SNX10: variants seen among roughly 807,000 people sequenced by gnomAD.
SNX10 encodes the protein sorting nexin 10, also known as sorting nexin-10.
In SNX10, 25 loss-of-function variants were observed where a neutral mutation model predicts 28.5. That is an observed-to-expected ratio of 0.88 (90% CI 0.64 to 1.22). SNX10 has a LOEUF of 1.22. Ranked by LOEUF, SNX10 falls within the 50% of genes most tolerant of loss-of-function variation. The probability of loss-of-function intolerance (pLI) is 0.00; values close to 1 mark genes in which losing one functional copy is unlikely to be tolerated. For missense variants in SNX10, 223 were observed against 242.6 expected (o/e 0.92, Z 0.54); for synonymous variants, 62 against 81.4 (o/e 0.76, Z 1.28).
intron 2 of SNX10, among the ~76,000 whole-genome samples, chr7:26,352,966 A>C (rs1462035296): frequency 1.3e-5 from 2 of 151,744 alleles, no homozygotes; most frequent in African/African-American, 4.8e-5. Flanking sequence ...GATGCCAATT[A>C]TTTCTTACTG....
chr7:26,358,787 A>G (rs1322353069), intron 2 of SNX10, among the ~76,000 whole-genome samples: 1 of 136,652 alleles, frequency 7.3e-6, no homozygotes, highest in African/African-American at 2.9e-5. Flanking sequence ...AAAGAGCATC[A>G]CTATAGTGTT....
chr7:26,363,222 A>G (rs371540218), intron 3 of SNX10, among the ~76,000 whole-genome samples: 3 of 152,206 alleles, frequency 2.0e-5, no homozygotes, highest in South Asian at 4.1e-4. Context: ...GTTAAAGATA[A>G]TGGGATTTAG....
rs1383492326 is a variant in SNX10, at chr7:26,342,002, T to C, written c.-23-4418T>C. On this transcript the variant is annotated intron_variant, in intron 1 of 6. Transcript: ENST00000338523. ...TCTTTCTCTCTCTCTCTCTCTTTCT[T>C]TCTTTCCTTCTTTCCTTTCTTCTTT... Among the ~76,000 whole-genome samples the C allele has an allele frequency of 6.2e-5, 9 of 145,446 alleles. No homozygotes were observed. In the East Asian group the frequency reaches 1.3e-3, roughly 21 times the overall value.
chr7:26,294,838 C>G (rs1786051197), intron 1 of SNX10, among the ~76,000 whole-genome samples: 1 of 152,156 alleles, frequency 6.6e-6, no homozygotes. Context: ...AACTGAGGCA[C>G]AAAGCCCAAG....
chr7:26,316,433 A>G (rs892946946), intron 1 of SNX10, among the ~76,000 whole-genome samples: 6 of 152,202 alleles, frequency 3.9e-5, no homozygotes, highest in Admixed American at 1.3e-4. Context: ...CCAGAGGGAA[A>G]GAAAGCACCT....
At chr7:26,337,017 T>C (rs1425080278) in intron 1 of SNX10, among the ~76,000 whole-genome samples, 2 of 152,234 alleles carry the variant, frequency 1.3e-5, no homozygotes, top group Non-Finnish European at 2.9e-5. Flanking sequence ...TTTTGAAATA[T>C]ATGGCCAAAT....
At chr7:26,360,047 A>C (rs1450122551) in intron 2 of SNX10, among the ~76,000 whole-genome samples, 1 of 152,174 alleles carries the variant, frequency 6.6e-6, no homozygotes. Flanking sequence ...AATATCCCTA[A>C]CTTCTATGTA....
rs35402634 is a variant in SNX10, at chr7:26,325,731, A to AT, written c.-23-20675dup. ...TGAAGTATACGAAACAAAATTAGAG[A>AT]TTTTTTTTTTTTTTGAGATGGAGTC... On this transcript the variant is annotated intron_variant, in intron 1 of 6. Transcript: ENST00000338523. Among the ~76,000 whole-genome samples, 449 of 144,870 alleles carry AT rather than the reference A, an allele frequency of 3.1e-3. 1 individual carries two copies. Among genetic ancestry groups the AT allele is most frequent in the East Asian group, 7.8e-3 (38 of 4,870 alleles).
intron 1 of SNX10, among the ~76,000 whole-genome samples, chr7:26,294,319 A>G (rs1468390545): frequency 2.0e-5 from 3 of 152,200 alleles, no homozygotes; most frequent in Non-Finnish European, 2.9e-5. Flanking sequence ...GACCCATCTG[A>G]GTTGAAATCT....
chr7:26,372,017 GATT>G lies in SNX10; in HGVS notation c.511_513del (p.Tyr171del). 1 of 1,603,628 alleles carries G rather than the reference GATT, an allele frequency of 6.2e-7. No homozygotes were observed. Among genetic ancestry groups the G allele is most frequent in the East Asian group, 2.2e-5 (1 of 44,788 alleles). On this transcript the variant is annotated inframe_deletion, in exon 6 of 7. Coordinates refer to ENST00000338523, the MANE Select transcript of SNX10 (RefSeq NM_013322.3). ...AGAAGGAAAAAAAGAAAATGATATA[GATT>G]ATGATTCAGAAAGGTATTTCCTTGC...
At chr7:26,349,343 A>T (rs1584152379) in intron 2 of SNX10, among the ~76,000 whole-genome samples, 1 of 146,632 alleles carries the variant, frequency 6.8e-6, no homozygotes, top group Non-Finnish European at 1.5e-5. Flanking sequence ...AAATTTAGTA[A>T]TTTTTTTTTT....
At chr7:26,319,113 T>C (rs952494437) in intron 1 of SNX10, among the ~76,000 whole-genome samples, 2 of 152,244 alleles carry the variant, frequency 1.3e-5, no homozygotes, top group African/African-American at 4.8e-5. Flanking sequence ...AGATTTATTG[T>C]ACTTCTGTGG....
At chr7:26,333,097 T>C (rs1279701875) in intron 1 of SNX10, among the ~76,000 whole-genome samples, 2 of 152,156 alleles carry the variant, frequency 1.3e-5, no homozygotes, top group African/African-American at 4.8e-5. Flanking sequence ...AGCTTGTCAG[T>C]TTGTACAAAG....
intron 1 of SNX10, among the ~76,000 whole-genome samples, chr7:26,327,312 C>T (rs762466123): frequency 6.6e-6 from 1 of 152,164 alleles, no homozygotes; most frequent in African/African-American, 2.4e-5. Context: ...AGCCACCACA[C>T]GATTTGTGGC....
At chr7:26,371,674 C>A in intron 5 of SNX10, 147 bp from the exon 6 acceptor site, 1 of 588,598 alleles carries the variant, frequency 1.7e-6, no homozygotes, top group East Asian at 2.8e-5. Flanking sequence ...GCTTTCCTCC[C>A]CTTAATGGGC....
intron 1 of SNX10, among the ~76,000 whole-genome samples, chr7:26,327,729 T>TTC (rs200555629): frequency 4.5e-5 from 6 of 132,628 alleles, no homozygotes; most frequent in East Asian, 2.4e-4. Context: ...TTCTTTTCTT[T>TTC]TTTTTTTTTT....
chr7:26,355,046 T>C (rs1342266308), intron 2 of SNX10, among the ~76,000 whole-genome samples: 1 of 152,240 alleles, frequency 6.6e-6, no homozygotes, highest in East Asian at 1.9e-4. Context: ...GTTCATCTCT[T>C]GGCCTGTGGA....
intron 2 of SNX10, chr7:26,357,071 A>G (rs1445449684): frequency 8.1e-7 from 1 of 1,229,010 alleles, no homozygotes; most frequent in East Asian, 5.8e-5. Context: ...TTCAAGTCTT[A>G]CAAGACAGCC....
rs533483029 is a variant in SNX10, at chr7:26,333,133, T to C, written c.-23-13287T>C. Reference sequence around the variant, plus strand: ...AAGACATCTGGGATTCTGATAGTGATCGTGCTTGAATCCATAGATCACTTT... The same window carrying C: ...AAGACATCTGGGATTCTGATAGTGACCGTGCTTGAATCCATAGATCACTTT... On this transcript the variant is annotated intron_variant, in intron 1 of 6. Transcript: ENST00000338523. Among the ~76,000 whole-genome samples the C allele has an allele frequency of 2.6e-5, 4 of 152,298 alleles. No individual in the cohort carries two copies. In the East Asian group the frequency reaches 7.7e-4, roughly 29 times the overall value.
Sources: allele counts gnomAD v4.1 joint callset (sites outside exome capture counted in the v4.1 genomes callset), GRCh38; gene constraint gnomAD v4.1.1; transcripts MANE v1.5; gene names NCBI Gene and HGNC (gene_info 2026-07-23, HGNC 2026-07-21).